Variants in EVI5 observed in about 807,000 individuals in gnomAD.
EVI5 encodes the protein ecotropic viral integration site 5 protein homolog.
EVI5 carries 73 observed loss-of-function variants against 112.0 expected under a neutral mutation model. The observed-to-expected ratio is 0.65, with a 90% CI of 0.54 to 0.79. EVI5 has a LOEUF of 0.79. Among genes scored for constraint, EVI5 ranks in the 30% least tolerant of loss-of-function variants. The pLI is 0.00. For synonymous variants in EVI5, 305 were observed against 319.9 expected, an observed-to-expected ratio of 0.95 and a Z score of 0.50; for missense variants, 900 against 968.8, an observed-to-expected ratio of 0.93 and a Z score of 0.94.
At chr1:92,550,746 CAAAAAAAAAAAAAAAAAAAAAA>C (rs1164076965) in intron 19 of EVI5, among the ~76,000 whole-genome samples, 6 of 4,518 alleles carry the variant, frequency 1.3e-3, no homozygotes, top group African/African-American at 4.4e-3. Flanking sequence ...GACTCCGTCT[CAAAAAAAAAAAAAAAAAAAAAA>C]AAAAAAAAAA....
At chr1:92,525,267 C>CTTTTTTT (rs745392747) in intron 19 of EVI5, among the ~76,000 whole-genome samples, 30 of 104,378 alleles carry the variant, frequency 2.9e-4, no homozygotes, top group African/African-American at 8.5e-4. Context: ...ATGACAATGC[C>CTTTTTTT]TTTTTTTTTT....
In EVI5 at chr1:92,687,817, A is replaced by T. The variant is rs1465443429; in HGVS notation, c.1097+5985T>A. ...ATCACCACTGGTCATCACAGAATGC[A>T]AATCAAAACCACAATGAGATACCAT... On this transcript the variant is annotated intron_variant, in intron 9 of 19. Transcript: ENST00000684568. 2.6e-5 allele frequency among the ~76,000 whole-genome samples: 4 copies of T among 152,234 alleles called. No homozygotes were observed. The East Asian group carries it at 7.7e-4, about 29-fold the overall frequency.
At chr1:92,599,444 T>TTA (rs900526255) in intron 18 of EVI5, among the ~76,000 whole-genome samples, 34 of 152,128 alleles carry the variant, frequency 2.2e-4, no homozygotes, top group Middle Eastern at 6.8e-3. Context: ...CTAAAATATA[T>TTA]TACTTTGATA....
In EVI5 at chr1:92,632,831, A is replaced by C. The variant is rs1657508679; in HGVS notation, c.1527+3371T>G. The stretch of plus-strand genomic sequence containing the variant: ...CATTTAGTGCCATAAATTTCCCTCT[A>C]CACACTGCTTTGAATGTGTCCCAGA... On this transcript the variant is annotated intron_variant, in intron 14 of 19. Coordinates refer to ENST00000684568, the MANE Select transcript of EVI5 (RefSeq NM_001350197.2). Among the ~76,000 whole-genome samples the C allele has an allele frequency of 2.0e-5, 3 of 152,244 alleles. No homozygotes were observed. In the South Asian group the frequency reaches 6.2e-4, roughly 32 times the overall value.
chr1:92,767,905 C>G (rs1682876117), intron 1 of EVI5, among the ~76,000 whole-genome samples: 1 of 152,056 alleles, frequency 6.6e-6, no homozygotes, highest in Non-Finnish European at 1.5e-5. Context: ...TGTGGCGAAA[C>G]ACTGTCTCTA....
chr1:92,594,847 C>A (rs1647280043), intron 18 of EVI5, among the ~76,000 whole-genome samples: 1 of 151,510 alleles, frequency 6.6e-6, no homozygotes, highest in African/African-American at 2.4e-5. Context: ...CAGAGAAATG[C>A]AAATCAAAAC....
chr1:92,522,672 A>G (rs965260900), intron 19 of EVI5, among the ~76,000 whole-genome samples: 11 of 151,262 alleles, frequency 7.3e-5, no homozygotes, highest in African/African-American at 2.7e-4. Flanking sequence ...CCTCAACAAC[A>G]CTGTAAAGTT....
At chr1:92,670,890 C>A (rs144952854) in intron 10 of EVI5, among the ~76,000 whole-genome samples, 1 of 152,254 alleles carries the variant, frequency 6.6e-6, no homozygotes, top group African/African-American at 2.4e-5. Flanking sequence ...ATTAACTACT[C>A]ATGCTAGCAT....
chr1:92,617,650 A>G (rs1653519216), intron 16 of EVI5, among the ~76,000 whole-genome samples: 1 of 152,216 alleles, frequency 6.6e-6, no homozygotes, highest in Non-Finnish European at 1.5e-5. Context: ...GGCTACAGCC[A>G]CTGCTAAGTG....
At chr1:92,747,336 C>T (rs551205831) in intron 1 of EVI5, among the ~76,000 whole-genome samples, 5 of 152,060 alleles carry the variant, frequency 3.3e-5, no homozygotes, top group Non-Finnish European at 7.4e-5. Flanking sequence ...GAACCAATCC[C>T]CTGCAGATGC....
intron 1 of EVI5, among the ~76,000 whole-genome samples, chr1:92,741,791 A>C (rs1444044171): frequency 6.6e-6 from 1 of 152,180 alleles, no homozygotes; most frequent in Non-Finnish European, 1.5e-5. Context: ...ATAAGAAATC[A>C]AAGATTCAGC....
intron 2 of EVI5, among the ~76,000 whole-genome samples, chr1:92,717,673 G>A (rs1310439199): frequency 6.6e-6 from 1 of 152,070 alleles, no homozygotes; most frequent in Non-Finnish European, 1.5e-5. Context: ...CATAATGACA[G>A]GATCAAATTC....
In EVI5 at chr1:92,513,307, GA is replaced by G. The variant is rs1006919971; in HGVS notation, c.*348del. The G allele has an allele frequency of 6.6e-6, 1 of 152,106 alleles. No individual in the cohort carries two copies. The highest frequency in any genetic ancestry group is 2.4e-5 in the African/African-American group (1 of 41,312). 9.4% of individuals were successfully genotyped at this position (152,106 alleles called of 1,614,324 possible). ...TTGCACAAGAGCAGTTTTGTCTGAA[GA>G]AAATTCAATTTTCCATAGTTTTGAA... On this transcript the variant is annotated 3_prime_UTR_variant, in exon 20 of 20. Transcript: ENST00000684568.
At chr1:92,633,882 A>T (rs1049159137) in intron 14 of EVI5, among the ~76,000 whole-genome samples, 13 of 152,282 alleles carry the variant, frequency 8.5e-5, no homozygotes, top group Non-Finnish European at 1.9e-4. Flanking sequence ...CCTGGTGGTG[A>T]CAAAATCTCT....
intron 18 of EVI5, among the ~76,000 whole-genome samples, chr1:92,597,465 C>T (rs1007856168): frequency 1.3e-5 from 2 of 152,126 alleles, no homozygotes; most frequent in Admixed American, 6.5e-5. Flanking sequence ...AAAAACATTT[C>T]AGAGAAGGGA....
chr1:92,527,434 GA>G (rs1278358112), intron 19 of EVI5, among the ~76,000 whole-genome samples: 3 of 128,526 alleles, frequency 2.3e-5, no homozygotes, highest in African/African-American at 5.8e-5. Context: ...AAAAAAAAAA[GA>G]AAAAAAGAAA....
At position 92,644,896 on chromosome 1, in the gene EVI5, T is replaced by C. The variant is rs112236614; in HGVS notation, c.1393-8560A>G. Among the ~76,000 whole-genome samples the C allele has an allele frequency of 5.8e-3, 886 of 152,258 alleles. 8 individuals are homozygous for C. Among genetic ancestry groups the C allele is most frequent in the African/African-American group, 0.019 (787 of 41,536 alleles). ...GATCCTTTGTATGATTTCAATTACT[T>C]CAAATTTGATAAAGTTCCTTTTAAG... On this transcript the variant is annotated intron_variant, in intron 13 of 19. Coordinates refer to ENST00000684568, the MANE Select transcript of EVI5 (RefSeq NM_001350197.2).
intron 18 of EVI5, among the ~76,000 whole-genome samples, chr1:92,570,298 GT>G (rs1217603184): frequency 1.3e-5 from 2 of 150,666 alleles, no homozygotes; most frequent in Non-Finnish European, 1.5e-5. Context: ...CCTTTTAGGT[GT>G]TTTTTTTTTT....
In EVI5 at chr1:92,738,962, T is replaced by C. The variant is rs988495901; in HGVS notation, c.-81-2335A>G. ...TCCTGTCTATCTCATAGAGGTGTTA[T>C]GCATTTATTTTAAAAAGTGAACATA... On this transcript the variant is annotated intron_variant, in intron 1 of 19. Transcript: ENST00000684568. Among the ~76,000 whole-genome samples the C allele has an allele frequency of 6.6e-5, 10 of 152,146 alleles. No homozygotes were observed. The East Asian group carries it at 1.9e-3, about 29-fold the overall frequency.
Sources: allele counts gnomAD v4.1 joint callset (sites outside exome capture counted in the v4.1 genomes callset), GRCh38; gene constraint gnomAD v4.1.1; transcripts MANE v1.5; gene names NCBI Gene and HGNC (gene_info 2026-07-23, HGNC 2026-07-21).